Variants in PTCSC3 observed in about 807,000 individuals in gnomAD.
The protein encoded by PTCSC3 is papillary thyroid carcinoma susceptibility candidate 3 (non-protein coding).
At chr14:36,140,233 T>C (rs1158334546) in intron 3 of PTCSC3, among the ~76,000 whole-genome samples, 2 of 152,242 alleles carry the variant, frequency 1.3e-5, no homozygotes, top group African/African-American at 4.8e-5. Context: ...TATTCATTTA[T>C]CTATTGAGGG....
intron 1 of PTCSC3, among the ~76,000 whole-genome samples, chr14:36,164,547 T>G (rs1171990677): frequency 6.6e-6 from 1 of 152,074 alleles, no homozygotes; most frequent in Non-Finnish European, 1.5e-5. Flanking sequence ...ATTAGAAAAT[T>G]TTCCAGGAAA....
At chr14:36,172,427 A>C (rs1268002417) in intron 1 of PTCSC3, among the ~76,000 whole-genome samples, 2 of 152,152 alleles carry the variant, frequency 1.3e-5, no homozygotes, top group Non-Finnish European at 2.9e-5. Flanking sequence ...TTAACAGGAA[A>C]ATAAAAAATG....
At chr14:36,148,395 C>T (rs546696195) in intron 3 of PTCSC3, among the ~76,000 whole-genome samples, 5 of 152,252 alleles carry the variant, frequency 3.3e-5, no homozygotes, top group Admixed American at 6.5e-5. Flanking sequence ...GTCGGAAAAG[C>T]GCAGTATTCG....
At chr14:36,149,473 T>TA (rs1881672657) in intron 3 of PTCSC3, among the ~76,000 whole-genome samples, 2 of 152,330 alleles carry the variant, frequency 1.3e-5, no homozygotes, top group Admixed American at 1.3e-4. Context: ...GGAAGTGTTC[T>TA]AAAAATGTCA....
chr14:36,171,648 ACAAGATAGGGAAAAAAT>A, intron 1 of PTCSC3, among the ~76,000 whole-genome samples: 1 of 152,292 alleles, frequency 6.6e-6, no homozygotes, highest in East Asian at 1.9e-4. Flanking sequence ...TGTAAATTTA[ACAAGATAGGGAAAAAAT>A]CAGTTTCAAC....
intron 3 of PTCSC3, among the ~76,000 whole-genome samples, chr14:36,145,638 G>C (rs1381693952): frequency 2.5e-5 from 2 of 79,440 alleles, no homozygotes; most frequent in Non-Finnish European, 6.1e-5. Flanking sequence ...TTTTTTGAAG[G>C]GTTTTTTTGT....
intron 2 of PTCSC3, among the ~76,000 whole-genome samples, chr14:36,162,135 C>T (rs935146866): frequency 1.3e-5 from 2 of 152,050 alleles, no homozygotes; most frequent in Non-Finnish European, 2.9e-5. Context: ...TGGATGTTAG[C>T]TTGCTGGACT....
intron 1 of PTCSC3, among the ~76,000 whole-genome samples, chr14:36,167,334 A>G (rs935007630): frequency 1.3e-5 from 2 of 152,116 alleles, no homozygotes; most frequent in Admixed American, 1.3e-4. Context: ...CACTGGTGAA[A>G]AGACGTTGAT....
intron 1 of PTCSC3, among the ~76,000 whole-genome samples, chr14:36,175,053 G>T (rs1334565514): frequency 6.6e-6 from 1 of 152,102 alleles, no homozygotes; most frequent in African/African-American, 2.4e-5. Context: ...TCACTGATTT[G>T]CAGGAGATCC....
downstream of PTCSC3, among the ~76,000 whole-genome samples, chr14:36,135,851 C>T (rs1000116351): frequency 1.5e-4 from 22 of 151,412 alleles, no homozygotes; most frequent in Middle Eastern, 3.4e-3. Flanking sequence ...TCAGGGTTCT[C>T]TAGAGGGACA....
intron 2 of PTCSC3, among the ~76,000 whole-genome samples, chr14:36,160,257 G>A (rs1262324588): frequency 6.6e-6 from 1 of 152,160 alleles, no homozygotes; most frequent in Non-Finnish European, 1.5e-5. Context: ...GTGTGAATTT[G>A]ATCCTGTCAT....
chr14:36,150,662 C>A (rs973880139), intron 3 of PTCSC3, among the ~76,000 whole-genome samples: 4 of 152,056 alleles, frequency 2.6e-5, no homozygotes, highest in African/African-American at 7.2e-5. Context: ...TATATGATTC[C>A]ATTTTCCCTC....
At chr14:36,139,113 C>CAA (rs1396431052) in intron 3 of PTCSC3, among the ~76,000 whole-genome samples, 8 of 73,868 alleles carry the variant, frequency 1.1e-4, no homozygotes, top group African/African-American at 3.0e-4. Context: ...GACTCCATCT[C>CAA]AAAAATAAAA....
intron 2 of PTCSC3, among the ~76,000 whole-genome samples, chr14:36,160,997 C>T (rs907844221): frequency 8.6e-5 from 13 of 152,006 alleles, no homozygotes; most frequent in African/African-American, 2.9e-4. Flanking sequence ...TGATATCTTT[C>T]TTCCACTTGA....
intron 1 of PTCSC3, among the ~76,000 whole-genome samples, chr14:36,173,941 G>A (rs1227597244): frequency 2.6e-5 from 4 of 152,104 alleles, no homozygotes; most frequent in African/African-American, 7.2e-5. Context: ...CTGATGAGAA[G>A]TAAGTGATCA....
At chr14:36,157,285 G>T (rs1881851433) in intron 2 of PTCSC3, among the ~76,000 whole-genome samples, 1 of 152,064 alleles carries the variant, frequency 6.6e-6, no homozygotes, top group Non-Finnish European at 1.5e-5. Flanking sequence ...GTTCTTTGTA[G>T]ATTCTGAATA....
intron 1 of PTCSC3, among the ~76,000 whole-genome samples, chr14:36,175,811 T>C (rs1349184652): frequency 6.6e-6 from 1 of 152,224 alleles, no homozygotes; most frequent in Non-Finnish European, 1.5e-5. Context: ...TAATTTGCTT[T>C]GATTATGTCC....
chr14:36,167,058 T>C (rs1276038262), intron 1 of PTCSC3, among the ~76,000 whole-genome samples: 1 of 152,252 alleles, frequency 6.6e-6, no homozygotes, highest in Non-Finnish European at 1.5e-5. Context: ...ATGACTTTCA[T>C]GGCTAATTAG....
rs564543801 is a variant in PTCSC3 at position 36,152,729 on chromosome 14, A to G, written n.322+1075T>C. Among the ~76,000 whole-genome samples the G allele has an allele frequency of 2.4e-4, 37 of 151,692 alleles. 1 individual carries two copies. Among genetic ancestry groups the G allele is most frequent in the Admixed American group, 1.3e-3 (20 of 15,214 alleles). ...GCCAACAAGGTGAAACCCTTTCTCT[A>G]CTAAAAATAAAAAAAATAGCTAGGC... is the stretch of plus-strand genomic sequence containing the variant. On this transcript the variant is annotated intron_variant and non_coding_transcript_variant, in intron 3 of 3. Coordinates refer to ENST00000556013, the Ensembl canonical transcript of PTCSC3.
Sources: allele counts gnomAD v4.1 joint callset (sites outside exome capture counted in the v4.1 genomes callset), GRCh38; gene constraint gnomAD v4.1.1; transcripts MANE v1.5; gene names NCBI Gene and HGNC (gene_info 2026-07-23, HGNC 2026-07-21).